GOLGA5: variants seen among roughly 807,000 people sequenced by gnomAD.
The protein encoded by GOLGA5 is golgin subfamily A member 5.
GOLGA5 carries 50 observed loss-of-function variants against 93.5 expected under a neutral mutation model. The ratio of observed to expected loss-of-function variants is 0.53; its 90% CI spans 0.43 to 0.68. GOLGA5 has a LOEUF of 0.68. Ranked by LOEUF, GOLGA5 falls within the 30% of genes least tolerant of loss-of-function variation. The pLI, the probability that GOLGA5 is intolerant of heterozygous loss-of-function variation, is 0.00. For missense variants in GOLGA5, 760 were observed against 856.4 expected (o/e 0.89, Z 1.40); for synonymous variants, 312 against 304.5 (o/e 1.02, Z -0.26).
At chr14:92,835,415 C>T in intron 10 of GOLGA5, 144 bp from the exon 11 acceptor site, 1 of 473,330 alleles carries the variant, frequency 2.1e-6, no homozygotes, top group Non-Finnish European at 3.8e-6. Flanking sequence ...CCTGTCCTTT[C>T]TTTATAGTTT....
At position 92,797,486 on chromosome 14, in the gene GOLGA5, C is replaced by G; in HGVS notation, c.49C>G (p.Arg17Gly). 1 of 1,611,824 alleles carries G rather than the reference C, an allele frequency of 6.2e-7. No individual in the cohort carries two copies. The highest frequency in any genetic ancestry group is 8.5e-7 in the Non-Finnish European group (1 of 1,179,258). The stretch of plus-strand genomic sequence containing the variant: ...TGGAAAGGCAGAAGATCTTTTAAAC[C>G]GAGTTGATCAAGGGGCTGCAACAGC... ...LAGKAEDLLN[R>G]VDQGAATALS... Residue 17 changes from arginine to glycine, a missense_variant, in exon 2 of 13, where the codon CGA becomes GGA. Coordinates refer to ENST00000163416, the MANE Select transcript of GOLGA5 (RefSeq NM_005113.4).
At chr14:92,800,403 C>CTAA (rs1884843395) in intron 2 of GOLGA5, among the ~76,000 whole-genome samples, 1 of 152,098 alleles carries the variant, frequency 6.6e-6, no homozygotes. Flanking sequence ...AGAACAGACT[C>CTAA]TAAGAGGCTA....
intron 2 of GOLGA5, among the ~76,000 whole-genome samples, chr14:92,803,605 C>T (rs943773395): frequency 6.6e-6 from 1 of 152,128 alleles, no homozygotes; most frequent in South Asian, 2.1e-4. Context: ...TGGTAAGTTA[C>T]GTTTTTTTCC....
At chr14:92,831,686 G>C (rs10129308) in intron 9 of GOLGA5, among the ~76,000 whole-genome samples, 14,909 of 152,108 alleles carry the variant, frequency 0.098, 2,445 homozygotes, top group African/African-American at 0.34. Flanking sequence ...GGGGATCATA[G>C]TACCATCTTA....
intron 9 of GOLGA5, among the ~76,000 whole-genome samples, chr14:92,827,380 A>G (rs1262962057): frequency 1.3e-5 from 2 of 152,216 alleles, no homozygotes; most frequent in African/African-American, 2.4e-5. Flanking sequence ...ATCTGTGATC[A>G]GTGACCTTTT....
intron 9 of GOLGA5, among the ~76,000 whole-genome samples, chr14:92,826,302 A>G (rs1296499930): frequency 1.3e-5 from 2 of 152,212 alleles, no homozygotes; most frequent in African/African-American, 4.8e-5. Context: ...AAAAAAAAAA[A>G]AAATCACACA....
intron 2 of GOLGA5, among the ~76,000 whole-genome samples, chr14:92,804,423 C>T (rs1373363537): frequency 6.6e-5 from 10 of 151,784 alleles, no homozygotes; most frequent in Admixed American, 2.6e-4. Context: ...CAAAATAGAA[C>T]GTAATGACCT....
At chr14:92,801,816 A>C (rs1023327368) in intron 2 of GOLGA5, among the ~76,000 whole-genome samples, 5 of 151,006 alleles carry the variant, frequency 3.3e-5, no homozygotes, top group Non-Finnish European at 7.4e-5. Flanking sequence ...ACCAATTTGC[A>C]GTACCACCTG....
intron 8 of GOLGA5, among the ~76,000 whole-genome samples, chr14:92,824,063 C>A (rs1885367847): frequency 6.6e-6 from 1 of 151,894 alleles, no homozygotes; most frequent in African/African-American, 2.4e-5. Context: ...TATATTCTGC[C>A]ACCTTACTGA....
At position 92,839,550 on chromosome 14, in the gene GOLGA5, T is replaced by C. The variant is rs1259191614; in HGVS notation, c.*104T>C. On this transcript the variant is annotated 3_prime_UTR_variant, in exon 13 of 13. Coordinates refer to ENST00000163416, the MANE Select transcript of GOLGA5 (RefSeq NM_005113.4). ...CTGAGAACAGTGCACAAGATTATTTTATCACTACAAGCTTTTAACTTTTTA... is the reference window on the plus strand; with the variant it reads ...CTGAGAACAGTGCACAAGATTATTTCATCACTACAAGCTTTTAACTTTTTA... 6 of 714,196 alleles carry C rather than the reference T, an allele frequency of 8.4e-6. No homozygotes were observed. In the Admixed American group the frequency reaches 1.1e-4, roughly 13 times the overall value. 44.2% of individuals were successfully genotyped at this position (714,196 alleles called of 1,614,324 possible).
At chr14:92,822,547 G>A (rs907403106) in intron 8 of GOLGA5, among the ~76,000 whole-genome samples, 2 of 152,220 alleles carry the variant, frequency 1.3e-5, no homozygotes, top group Admixed American at 1.3e-4. Flanking sequence ...AGAGGTATTA[G>A]CCTTTTTGGG....
chr14:92,824,131 T>C (rs1316913792), intron 8 of GOLGA5, among the ~76,000 whole-genome samples: 2 of 152,176 alleles, frequency 1.3e-5, no homozygotes, highest in Non-Finnish European at 2.9e-5. Context: ...TCCTGGTTTG[T>C]GTTTTTAATC....
In GOLGA5 at chr14:92,838,836, C is replaced by G. The variant is rs912139167; in HGVS notation, c.2116-530C>G. On this transcript the variant is annotated intron_variant, in intron 12 of 12. Transcript: ENST00000163416. The stretch of plus-strand genomic sequence containing the variant: ...CCCATGAGATGTGATTTCTGGCACA[C>G]GACAAAGTGGTGAGGCACTTAGTGA... 2.6e-5 allele frequency among the ~76,000 whole-genome samples: 4 copies of G among 151,744 alleles called. No individual in the cohort carries two copies. In the Admixed American group the frequency reaches 2.6e-4, roughly 10 times the overall value.
At chr14:92,799,671 A>G (rs1182458137) in intron 2 of GOLGA5, among the ~76,000 whole-genome samples, 1 of 151,634 alleles carries the variant, frequency 6.6e-6, no homozygotes, top group East Asian at 1.9e-4. Flanking sequence ...CAGTGACGCG[A>G]TCTTAGCTCA....
chr14:92,797,765 T>A lies in GOLGA5; in HGVS notation c.328T>A (p.Phe110Ile). The A allele has an allele frequency of 6.2e-7, 1 of 1,613,444 alleles. No individual in the cohort carries two copies. The highest frequency in any genetic ancestry group is 8.5e-7 in the Non-Finnish European group (1 of 1,179,632). The change falls in exon 2 of 13, where the codon TTT becomes ATT. Residue 110 changes from phenylalanine (F) to isoleucine (I), a missense_variant. Coordinates refer to ENST00000163416, the MANE Select transcript of GOLGA5 (RefSeq NM_005113.4). ...ATCTGTTCCTAGGCCTTCATCCCAT[T>A]TTGTGCGAAGAAAAAAGTCAGAACC... ...NASVPRPSSHFVRRKKSEPDD... is the reference protein window; with the variant it reads ...NASVPRPSSHIVRRKKSEPDD...
In GOLGA5 at chr14:92,833,138, T is replaced by C. The variant is rs745699272; in HGVS notation, c.1736T>C (p.Leu579Ser). ...CTCTTTCAGCTTACCAATAAAACTT[T>C]AAGCAATAGCAGTCAGTCTGAGTTA... is the stretch of plus-strand genomic sequence containing the variant. ...KLRNQLTNKTLSNSSQSELEN... is the reference protein window; with the variant it reads ...KLRNQLTNKTSSNSSQSELEN... The change falls in exon 10 of 13, where the codon TTA becomes TCA. Residue 579 changes from leucine to serine, a missense_variant. Coordinates refer to ENST00000163416, the MANE Select transcript of GOLGA5 (RefSeq NM_005113.4). 4.9e-5 allele frequency: 78 copies of C among 1,595,836 alleles called. No individual in the cohort carries two copies. Among genetic ancestry groups the C allele is most frequent in the Non-Finnish European group, 5.9e-5 (69 of 1,163,634 alleles).
At chr14:92,799,085 A>G (rs1466896103) in intron 2 of GOLGA5, among the ~76,000 whole-genome samples, 1 of 152,054 alleles carries the variant, frequency 6.6e-6, no homozygotes, top group Non-Finnish European at 1.5e-5. Context: ...CTCCTGCCTC[A>G]GCCTCCTGAG....
chr14:92,817,123 T>C (rs1266803063), intron 7 of GOLGA5, among the ~76,000 whole-genome samples: 1 of 152,034 alleles, frequency 6.6e-6, no homozygotes, highest in Non-Finnish European at 1.5e-5. Context: ...GTATTCTTAG[T>C]AGAGATGGGG....
chr14:92,795,248 T>C (rs1306256081), intron 1 of GOLGA5, among the ~76,000 whole-genome samples: 1 of 152,204 alleles, frequency 6.6e-6, no homozygotes, highest in Non-Finnish European at 1.5e-5. Context: ...CTGTATGGTG[T>C]TCTGTATGTT....
Sources: gnomAD v4.1 joint callset for allele counts (sites outside exome capture counted in the v4.1 genomes callset) on GRCh38, gnomAD v4.1.1 for gene constraint, MANE v1.5 for transcripts, NCBI Gene and HGNC (gene_info 2026-07-23, HGNC 2026-07-21) for gene names.